PALD1: variants seen among roughly 807,000 people sequenced by gnomAD.
PALD1 encodes the protein phosphatase domain containing paladin 1, also known as paladin.
Under a neutral mutation model 96.0 loss-of-function variants are expected in PALD1, and 57 were observed. The ratio of observed to expected loss-of-function variants is 0.59; its 90% CI spans 0.48 to 0.74. The LOEUF (loss-of-function observed/expected upper bound fraction) is 0.74, where lower values mean the gene tolerates loss of function less well. PALD1 is among the 30% of genes least tolerant of loss of function. The pLI, the probability that PALD1 is intolerant of heterozygous loss-of-function variation, is 0.00. For synonymous variants in PALD1, 464 were observed against 473.6 expected (o/e 0.98, Z 0.26); for missense variants, 1,063 against 1,143.7 (o/e 0.93, Z 1.02).
At chr10:70,542,918 T>C (rs1564705491) in intron 17 of PALD1, among the ~76,000 whole-genome samples, 1 of 152,126 alleles carries the variant, frequency 6.6e-6, no homozygotes, top group Non-Finnish European at 1.5e-5. Flanking sequence ...TATTTCCACA[T>C]CCTCACCAAC....
chr10:70,507,771 G>A (rs1846422032), intron 1 of PALD1, among the ~76,000 whole-genome samples: 1 of 151,868 alleles, frequency 6.6e-6, no homozygotes, highest in Admixed American at 6.6e-5. Context: ...GTGTGTGTGT[G>A]TGTGTGTGTG....
chr10:70,498,653 G>A (rs530418926), intron 1 of PALD1, among the ~76,000 whole-genome samples: 59 of 151,872 alleles, frequency 3.9e-4, no homozygotes, highest in Admixed American at 5.9e-4. Context: ...CAGACTGGGC[G>A]CGGTGGCTCA....
intron 18 of PALD1, among the ~76,000 whole-genome samples, chr10:70,550,069 G>T (rs1168694296): frequency 6.6e-6 from 1 of 152,194 alleles, no homozygotes; most frequent in Non-Finnish European, 1.5e-5. Flanking sequence ...GACCTACCTG[G>T]CCAAATTCTT....
At chr10:70,507,130 G>A (rs1405721753) in intron 1 of PALD1, among the ~76,000 whole-genome samples, 1 of 151,966 alleles carries the variant, frequency 6.6e-6, no homozygotes, top group Non-Finnish European at 1.5e-5. Context: ...GGACAGGCAC[G>A]GTGGCTCGTG....
At chr10:70,500,426 C>T (rs1009123472) in intron 1 of PALD1, among the ~76,000 whole-genome samples, 10 of 152,172 alleles carry the variant, frequency 6.6e-5, no homozygotes, top group African/African-American at 2.2e-4. Flanking sequence ...GACTGGGGTT[C>T]GGCCTACCCC....
At chr10:70,479,280 A>AC (rs1400430585) in intron 1 of PALD1, among the ~76,000 whole-genome samples, 1 of 151,948 alleles carries the variant, frequency 6.6e-6, no homozygotes, top group Non-Finnish European at 1.5e-5. Flanking sequence ...ACCCTGGGCT[A>AC]CCCCCTCTCC....
rs1847188052 is a variant in PALD1, at chr10:70,539,350, T to A, written c.1725+103T>A. 1.6e-6 allele frequency: 2 copies of A among 1,263,766 alleles called. No individual in the cohort carries two copies. Among genetic ancestry groups the A allele is most frequent in the East Asian group, 5.1e-5 (2 of 39,420 alleles). 78.3% of individuals were successfully genotyped at this position (1,263,766 alleles called of 1,614,324 possible). The stretch of plus-strand genomic sequence containing the variant: ...CACACTCCCGCAGACAGATGGAGAA[T>A]CTGAGGCCCCGGGAGGAGCAGTGTC... On this transcript the variant is annotated intron_variant, in intron 14 of 19. Transcript: ENST00000263563. This position sits in a 1 kb window ranked among gnomAD's most constrained non-coding sequence, Gnocchi z 4.5.
chr10:70,551,116 A>C (rs1847469181), intron 18 of PALD1, among the ~76,000 whole-genome samples: 1 of 152,164 alleles, frequency 6.6e-6, no homozygotes, highest in South Asian at 2.1e-4. Context: ...TCCCCAGACC[A>C]TGTTGTCCTT....
intron 1 of PALD1, among the ~76,000 whole-genome samples, chr10:70,518,585 G>A (rs1313398667): frequency 6.6e-6 from 1 of 152,102 alleles, no homozygotes; most frequent in Non-Finnish European, 1.5e-5. Context: ...TGCTTATTTG[G>A]CATCTGTATG....
intron 17 of PALD1, among the ~76,000 whole-genome samples, chr10:70,543,649 C>T (rs1847300081): frequency 1.3e-5 from 2 of 152,094 alleles, no homozygotes; most frequent in African/African-American, 4.8e-5. Flanking sequence ...TGTCTTTCCC[C>T]ATTGAAGGGT....
intron 18 of PALD1, among the ~76,000 whole-genome samples, chr10:70,558,772 A>C (rs1033169407): frequency 2.6e-5 from 4 of 152,146 alleles, no homozygotes; most frequent in African/African-American, 9.7e-5. Flanking sequence ...AGGTAAAGAA[A>C]GGCAGATTTT....
the PALD1 span, among the ~76,000 whole-genome samples, chr10:70,463,221 G>A: frequency 3.3e-5 from 5 of 152,112 alleles, no homozygotes; most frequent in African/African-American, 7.2e-5. Context: ...TGGCTAACAC[G>A]GTGAAAACCC....
chr10:70,530,403 A>G (rs1481826595), intron 4 of PALD1, among the ~76,000 whole-genome samples: 1 of 152,194 alleles, frequency 6.6e-6, no homozygotes, highest in Non-Finnish European at 1.5e-5. Context: ...TGGTGATCAC[A>G]GCTAACACTT....
intron 8 of PALD1, 37 bp downstream of exon 8, chr10:70,534,110 G>T: frequency 6.5e-7 from 1 of 1,532,394 alleles, no homozygotes. Context: ...GAAGGGCTGT[G>T]GGGCCGAGGA....
chr10:70,556,279 C>CCTCCCTCTCTCCCCCTCTCT (rs527928462), intron 18 of PALD1, among the ~76,000 whole-genome samples: 1 of 128,652 alleles, frequency 7.8e-6, no homozygotes, highest in African/African-American at 2.9e-5. Flanking sequence ...GTAGCCGAGA[C>CCTCCCTCTCTCCCCCTCTCT]CTCTCTCTCT....
At chr10:70,477,362 C>T (rs112911765), upstream of PALD1, among the ~76,000 whole-genome samples, 333 of 152,332 alleles carry the variant, frequency 2.2e-3, no homozygotes, top group African/African-American at 7.7e-3. Context: ...TGAGAACTTA[C>T]GTCACTTTTC....
chr10:70,477,637 G>C (rs539240106), upstream of PALD1, among the ~76,000 whole-genome samples: 5 of 152,186 alleles, frequency 3.3e-5, no homozygotes, highest in Admixed American at 6.5e-5. Flanking sequence ...GACATGGTGA[G>C]ACCACCACAA....
intron 18 of PALD1, among the ~76,000 whole-genome samples, chr10:70,554,429 A>AAAAC (rs200060726): frequency 0.19 from 26,716 of 140,758 alleles, 2,716 homozygotes; most frequent in Admixed American, 0.31. Flanking sequence ...ACTCCATCTC[A>AAAAC]AAACAAACAA....
chr10:70,508,388 T>C (rs1245834597), intron 1 of PALD1, among the ~76,000 whole-genome samples: 2 of 152,196 alleles, frequency 1.3e-5, no homozygotes, highest in Non-Finnish European at 2.9e-5. Context: ...GGAGGTGCAC[T>C]GGCTGGAGTT....
Sources: allele counts gnomAD v4.1 joint callset (sites outside exome capture counted in the v4.1 genomes callset), GRCh38; gene constraint gnomAD v4.1.1; non-coding constraint Gnocchi (gnomAD v3.1); transcripts MANE v1.5; gene names NCBI Gene and HGNC (gene_info 2026-07-23, HGNC 2026-07-21).